CARMIL1: variants seen among roughly 807,000 people sequenced by gnomAD.
CARMIL1 encodes the protein capping protein regulator and myosin 1 linker 1.
Under a neutral mutation model 177.1 loss-of-function variants are expected in CARMIL1, and 90 were observed. That is an observed-to-expected ratio of 0.51 (90% CI 0.43 to 0.61). CARMIL1 has a LOEUF of 0.61. Ranked by LOEUF, CARMIL1 falls within the 20% of genes least tolerant of loss-of-function variation. The pLI is 0.00. For missense variants in CARMIL1, 1,380 were observed against 1,667.0 expected, an observed-to-expected ratio of 0.83 and a Z score of 3.00; for synonymous variants, 577 against 606.2, an observed-to-expected ratio of 0.95 and a Z score of 0.71.
chr6:25,282,512 G>A (rs182153461), intron 1 of CARMIL1, among the ~76,000 whole-genome samples: 33 of 151,948 alleles, frequency 2.2e-4, no homozygotes, highest in African/African-American at 6.5e-4. Context: ...TTTTCTCCCC[G>A]TTTTCACTCT....
At chr6:25,351,921 G>A (rs1788144827) in intron 2 of CARMIL1, among the ~76,000 whole-genome samples, 1 of 152,032 alleles carries the variant, frequency 6.6e-6, no homozygotes, top group Non-Finnish European at 1.5e-5. Flanking sequence ...CCCAAAATCA[G>A]GAAACGGCTC....
At chr6:25,423,854 T>A (rs1796071049) in intron 3 of CARMIL1, among the ~76,000 whole-genome samples, 1 of 152,198 alleles carries the variant, frequency 6.6e-6, no homozygotes, top group South Asian at 2.1e-4. Flanking sequence ...TCCTCAAGTC[T>A]TCATGCAGCC....
intron 2 of CARMIL1, among the ~76,000 whole-genome samples, chr6:25,346,441 T>C (rs1165546731): frequency 6.6e-6 from 1 of 152,226 alleles, no homozygotes; most frequent in Non-Finnish European, 1.5e-5. Flanking sequence ...TCTTCAAATG[T>C]CACTTTTTCA....
intron 5 of CARMIL1, among the ~76,000 whole-genome samples, chr6:25,442,725 C>T (rs1797886026): frequency 1.3e-5 from 2 of 152,072 alleles, no homozygotes; most frequent in Admixed American, 1.3e-4. Flanking sequence ...CCTGAAATCT[C>T]AGTTGAAAAA....
intron 4 of CARMIL1, among the ~76,000 whole-genome samples, chr6:25,433,978 A>G (rs1422355071): frequency 1.1e-4 from 16 of 152,244 alleles, no homozygotes; most frequent in Non-Finnish European, 2.9e-5. Context: ...GTTCTCCATC[A>G]TATTTTTGTA....
At chr6:25,308,880 A>G (rs1325379465) in intron 2 of CARMIL1, among the ~76,000 whole-genome samples, 1 of 152,152 alleles carries the variant, frequency 6.6e-6, no homozygotes, top group African/African-American at 2.4e-5. Context: ...TGACTGAGAA[A>G]GCCCATCCAC....
intron 2 of CARMIL1, among the ~76,000 whole-genome samples, chr6:25,293,690 T>C (rs1408203495): frequency 6.6e-6 from 1 of 151,886 alleles, no homozygotes; most frequent in East Asian, 1.9e-4. Flanking sequence ...TTCCTCTCCT[T>C]TCCCTTCCTT....
chr6:25,481,995 C>T (rs1280509447), intron 11 of CARMIL1, among the ~76,000 whole-genome samples: 1 of 152,122 alleles, frequency 6.6e-6, no homozygotes, highest in Non-Finnish European at 1.5e-5. Context: ...AAGAGTGACA[C>T]GTGGCCCCAA....
intron 20 of CARMIL1, among the ~76,000 whole-genome samples, 179 bp downstream of exon 20, chr6:25,510,941 C>CTTA (rs150910762): frequency 8.5e-6 from 1 of 116,986 alleles, no homozygotes; most frequent in African/African-American, 3.4e-5. Context: ...TATTTAAAAA[C>CTTA]TTTTTTTACT....
chr6:25,554,208 C>A lies in CARMIL1; in HGVS notation c.2592+112C>A. 1 of 768,668 alleles carries A rather than the reference C, an allele frequency of 1.3e-6. No individual in the cohort carries two copies. Among genetic ancestry groups the A allele is most frequent in the South Asian group, 1.6e-5 (1 of 60,830 alleles). 47.6% of individuals were successfully genotyped at this position (768,668 alleles called of 1,614,324 possible). On this transcript the variant is annotated intron_variant, in intron 28 of 36. Coordinates refer to ENST00000329474, the MANE Select transcript of CARMIL1 (RefSeq NM_017640.6). The surrounding 1 kb of genome is among the most constrained non-coding windows in gnomAD (Gnocchi z 4.6). ...TTTTCTGTATTTCACACTATTACAGCTTTATGGTTTGTGATCTTGGTTTTC... is the reference window on the plus strand; with the variant it reads ...TTTTCTGTATTTCACACTATTACAGATTTATGGTTTGTGATCTTGGTTTTC...
rs139986938 is a variant in CARMIL1 at position 25,383,068 on chromosome 6, G to C, written c.139-37046G>C. On this transcript the variant is annotated intron_variant, in intron 2 of 36. Coordinates refer to ENST00000329474, the MANE Select transcript of CARMIL1 (RefSeq NM_017640.6). Reference sequence around the variant, plus strand: ...CTTCTCTGGCCCTGAGGAGTGGGTTGGGTTGAGTACTATGGGGTGATTTGA... The same window carrying C: ...CTTCTCTGGCCCTGAGGAGTGGGTTCGGTTGAGTACTATGGGGTGATTTGA... Among the ~76,000 whole-genome samples the C allele has an allele frequency of 4.6e-3, 701 of 152,298 alleles. 4 individuals are homozygous for C. The highest frequency in any genetic ancestry group is 0.016 in the African/African-American group (652 of 41,560).
At chr6:25,363,557 C>A (rs577594505) in intron 2 of CARMIL1, among the ~76,000 whole-genome samples, 4 of 152,138 alleles carry the variant, frequency 2.6e-5, no homozygotes, top group Non-Finnish European at 4.4e-5. Context: ...GGATAATGAC[C>A]GTTGAGTGAG....
chr6:25,287,924 C>A (rs1781641792), intron 2 of CARMIL1, among the ~76,000 whole-genome samples: 1 of 152,180 alleles, frequency 6.6e-6, no homozygotes, highest in Non-Finnish European at 1.5e-5. Context: ...TATTGAGAAC[C>A]TGCTGTGTCC....
intron 2 of CARMIL1, among the ~76,000 whole-genome samples, chr6:25,355,423 G>A (rs1307936103): frequency 1.3e-5 from 2 of 152,112 alleles, no homozygotes; most frequent in African/African-American, 4.8e-5. Flanking sequence ...CTGGAGGATC[G>A]CTTTAGGCCA....
chr6:25,325,930 C>T lies in CARMIL1; in HGVS notation c.138+41021C>T, dbSNP rs1029645364. 7.9e-5 allele frequency among the ~76,000 whole-genome samples: 12 copies of T among 151,908 alleles called. 1 individual carries two copies. Among genetic ancestry groups the T allele is most frequent in the East Asian group, 3.9e-4 (2 of 5,174 alleles). On this transcript the variant is annotated intron_variant, in intron 2 of 36. Transcript: ENST00000329474. ...CTGTCGCCAGGCTTTAGTGCAGTGG[C>T]GCAATCTCAGCTCACTGCAATCCCC...
intron 2 of CARMIL1, among the ~76,000 whole-genome samples, chr6:25,401,979 A>G (rs949512175): frequency 4.7e-5 from 7 of 150,132 alleles, no homozygotes; most frequent in Non-Finnish European, 1.0e-4. Flanking sequence ...ACAACCAAGG[A>G]TTTGCGTGTA....
rs544524294 is a variant in CARMIL1, at chr6:25,488,547, G to A, written c.1027G>A (p.Asp343Asn). 26 of 1,613,866 alleles carry A rather than the reference G, an allele frequency of 1.6e-5. No individual in the cohort carries two copies. In the East Asian group the frequency reaches 5.3e-4, roughly 33 times the overall value. ...GACCGCCTCTACCCTTGTCCACCTCGACCTCTCAGGGAACGTCCTTCGTGG... is the reference window on the plus strand; with the variant it reads ...GACCGCCTCTACCCTTGTCCACCTCAACCTCTCAGGGAACGTCCTTCGTGG... ...PLTASTLVHL[D>N]LSGNVLRGDD... Residue 343 changes from aspartate to asparagine, a missense_variant, in exon 13 of 37, where the codon GAC becomes AAC. Asp to Asn is a conservative substitution (Grantham distance 23, BLOSUM62 1). Coordinates refer to ENST00000329474, the MANE Select transcript of CARMIL1 (RefSeq NM_017640.6).
intron 2 of CARMIL1, among the ~76,000 whole-genome samples, chr6:25,339,895 A>G (rs1049862234): frequency 3.3e-5 from 5 of 152,220 alleles, no homozygotes; most frequent in Non-Finnish European, 2.9e-5. Context: ...ATTTTCTGGC[A>G]CATACTCAGT....
chr6:25,385,097 A>G (rs1023686705), intron 2 of CARMIL1, among the ~76,000 whole-genome samples: 2 of 152,202 alleles, frequency 1.3e-5, no homozygotes, highest in African/African-American at 4.8e-5. Flanking sequence ...TAAAACAGAT[A>G]GTAATGTGGT....
Sources: allele counts gnomAD v4.1 joint callset (sites outside exome capture counted in the v4.1 genomes callset), GRCh38; gene constraint gnomAD v4.1.1; non-coding constraint Gnocchi (gnomAD v3.1); transcripts MANE v1.5; gene names NCBI Gene and HGNC (gene_info 2026-07-23, HGNC 2026-07-21).